ZNF487: variants seen among roughly 807,000 people sequenced by gnomAD.
ZNF487 encodes the protein zinc finger protein 487.
ZNF487 carries 4 observed loss-of-function variants against 3.0 expected under a neutral mutation model. That is an observed-to-expected ratio of 1.35 (90% CI 0.66 to 3.08). The LOEUF (loss-of-function observed/expected upper bound fraction) is 3.08. ZNF487 is among the 30% of genes most tolerant of loss of function. The pLI is 0.01. For missense variants in ZNF487, 146 were observed against 98.7 expected (o/e 1.48, Z -2.03); for synonymous variants, 55 against 34.6 (o/e 1.59, Z -2.06).
chr10:43,482,560 A>T lies in ZNF487; in HGVS notation c.*638A>T, dbSNP rs986007179. On this transcript the variant is annotated 3_prime_UTR_variant, in exon 4 of 4. Coordinates refer to ENST00000437590, the MANE Select transcript of ZNF487 (RefSeq NM_001355444.3). ...AATCTTCATGTACATCAGAGAACAC[A>T]CACAGGAGAGAAACCCTATGGATGT... The T allele has an allele frequency of 2.0e-6, 1 of 508,320 alleles. No individual in the cohort carries two copies. Among genetic ancestry groups the T allele is most frequent in the African/African-American group, 1.9e-5 (1 of 51,436 alleles). The allele number at this position is 508,320 out of a possible 1,614,324, so 31.5% of individuals were successfully genotyped here. A position where few individuals can be genotyped will look rare whatever the true frequency, so the allele number is the denominator to read the frequency against.
chr10:43,466,183 A>AGAGGGAGAGGGAGACCGTAGGGC lies in ZNF487; in HGVS notation c.-93-9524_-93-9523insCCGTAGGGCGAGGGAGAGGGAGA, dbSNP rs1156533459. On this transcript the variant is annotated intron_variant, in intron 1 of 3. Coordinates refer to ENST00000437590, the MANE Select transcript of ZNF487 (RefSeq NM_001355444.3). ...GGCATCAGAGGGAGACCGTGGAAAG[A>AGAGGGAGAGGGAGACCGTAGGGC]GAGGGAGAGGGAGAGGGAGCTGGAG... Among the ~76,000 whole-genome samples, 10 of 147,582 alleles carry AGAGGGAGAGGGAGACCGTAGGGC rather than the reference A, an allele frequency of 6.8e-5. 1 individual carries two copies. The highest frequency in any genetic ancestry group is 2.5e-4 in the African/African-American group (10 of 39,906).
chr10:43,510,514 G>A, the ZNF487 span, among the ~76,000 whole-genome samples: 3 of 152,054 alleles, frequency 2.0e-5, no homozygotes, highest in Non-Finnish European at 4.4e-5. Context: ...GATAATCCGG[G>A]ACAACCATCC....
In ZNF487 at chr10:43,466,544, A is replaced by T. The variant is rs577526783; in HGVS notation, c.-93-9177A>T. On this transcript the variant is annotated intron_variant, in intron 1 of 3. Transcript: ENST00000437590. ...CAGCCTCCTGAGTAGCTGGGATTAC[A>T]GGTGCGCACCACCACACCCAGCTAA... Among the ~76,000 whole-genome samples the T allele has an allele frequency of 1.1e-4, 16 of 151,004 alleles. No homozygotes were observed. In the South Asian group the frequency reaches 3.4e-3, roughly 32 times the overall value.
intron 1 of ZNF487, among the ~76,000 whole-genome samples, chr10:43,447,929 T>C (rs1408065392): frequency 6.6e-6 from 1 of 152,144 alleles, no homozygotes; most frequent in Non-Finnish European, 1.5e-5. Flanking sequence ...ATCTCATTTG[T>C]TTCCTATCTC....
chr10:43,439,775 T>C (rs1839524270), intron 1 of ZNF487, among the ~76,000 whole-genome samples: 1 of 152,160 alleles, frequency 6.6e-6, no homozygotes, highest in Non-Finnish European at 1.5e-5. Context: ...GTTGACGATA[T>C]TATGTTAAGT....
intron 1 of ZNF487, among the ~76,000 whole-genome samples, chr10:43,455,829 T>C (rs898369055): frequency 3.3e-5 from 5 of 152,200 alleles, no homozygotes; most frequent in Admixed American, 3.3e-4. Context: ...CGTTTGCTGC[T>C]CTTGTGCGGA....
At chr10:43,495,896 T>A in the ZNF487 span, 2 of 424,040 alleles carry the variant, frequency 4.7e-6, no homozygotes, top group Admixed American at 2.4e-5. Context: ...ACAGAGTAGG[T>A]ATGCTGTGTG....
the ZNF487 span, among the ~76,000 whole-genome samples, chr10:43,505,668 A>T: frequency 6.6e-6 from 1 of 151,584 alleles, no homozygotes; most frequent in Admixed American, 6.6e-5. Flanking sequence ...TTTGAGATGG[A>T]GTTTTACTCT....
chr10:43,519,321 A>G, the ZNF487 span, among the ~76,000 whole-genome samples: 493 of 152,292 alleles, frequency 3.2e-3, 2 homozygotes, highest in African/African-American at 0.011. Flanking sequence ...GCAGATCCAT[A>G]TATTTGTTAT....
At chr10:43,479,260 GC>G (rs1282737086) in intron 3 of ZNF487, among the ~76,000 whole-genome samples, 1 of 151,514 alleles carries the variant, frequency 6.6e-6, no homozygotes, top group Non-Finnish European at 1.5e-5. Context: ...ACTGTACCTG[GC>G]CTACTTTTAT....
the ZNF487 span, among the ~76,000 whole-genome samples, chr10:43,489,473 G>T: frequency 6.6e-6 from 1 of 152,016 alleles, no homozygotes; most frequent in African/African-American, 2.4e-5. Context: ...CATGTCTCAG[G>T]CTCCTGAGTA....
chr10:43,447,807 C>G (rs1479474783), intron 1 of ZNF487, among the ~76,000 whole-genome samples: 5 of 152,048 alleles, frequency 3.3e-5, no homozygotes, highest in Non-Finnish European at 5.9e-5. Flanking sequence ...CCCAGACTAT[C>G]AAATCTATCT....
chr10:43,477,950 C>T (rs1340591646), intron 3 of ZNF487, among the ~76,000 whole-genome samples: 5 of 141,042 alleles, frequency 3.5e-5, no homozygotes, highest in African/African-American at 1.3e-4. Context: ...GACTCCATCT[C>T]GAAAAGAAAA....
intron 1 of ZNF487, among the ~76,000 whole-genome samples, chr10:43,450,792 A>G (rs374596159): frequency 1.4e-4 from 22 of 152,324 alleles, no homozygotes; most frequent in East Asian, 1.2e-3. Context: ...GTATAAAATA[A>G]CAGTAGATAC....
chr10:43,518,901 C>T, the ZNF487 span, among the ~76,000 whole-genome samples: 4,292 of 152,242 alleles, frequency 0.028, 96 homozygotes, highest in South Asian at 0.041. Flanking sequence ...TACCTACTTA[C>T]GTTAAATTCT....
chr10:43,468,679 CAAAAAAAAAAAAAA>C (rs71016773), intron 1 of ZNF487, among the ~76,000 whole-genome samples: 1 of 36,042 alleles, frequency 2.8e-5, no homozygotes, highest in Non-Finnish European at 4.8e-5. Context: ...AACTCTGTCT[CAAAAAAAAAAAAAA>C]AAAAAAAAAA....
chr10:43,449,127 T>C (rs983537135), intron 1 of ZNF487, among the ~76,000 whole-genome samples: 6 of 151,742 alleles, frequency 4.0e-5, no homozygotes, highest in Admixed American at 2.6e-4. Flanking sequence ...GGTGAAACCC[T>C]GTCTCTACTG....
At chr10:43,463,190 C>G (rs562393132) in intron 1 of ZNF487, among the ~76,000 whole-genome samples, 1 of 144,590 alleles carries the variant, frequency 6.9e-6, no homozygotes, top group Non-Finnish European at 1.5e-5. Context: ...GCCGAGTTCA[C>G]GCCATTGCAA....
the ZNF487 span, among the ~76,000 whole-genome samples, chr10:43,507,709 G>A: frequency 1.3e-5 from 2 of 152,172 alleles, no homozygotes; most frequent in East Asian, 3.9e-4. Context: ...TCCCACCTGG[G>A]CCATAAACAA....
Sources: gnomAD v4.1 joint callset for allele counts (sites outside exome capture counted in the v4.1 genomes callset) on GRCh38, gnomAD v4.1.1 for gene constraint, MANE v1.5 for transcripts, NCBI Gene and HGNC (gene_info 2026-07-23, HGNC 2026-07-21) for gene names.